The following NAALADL2 variants were observed in gnomAD, a reference collection of about 807,000 sequenced individuals.
The protein encoded by NAALADL2 is inactive N-acetylated-alpha-linked acidic dipeptidase-like protein 2.
In NAALADL2, 76 loss-of-function variants were observed where a neutral mutation model predicts 87.2. The observed-to-expected ratio is 0.87, with a 90% CI of 0.72 to 1.05. NAALADL2 has a LOEUF of 1.05. Among genes scored for constraint, NAALADL2 ranks in the 50% least tolerant of loss-of-function variants. The probability of loss-of-function intolerance (pLI) is 0.00; values close to 1 mark genes in which losing one functional copy is unlikely to be tolerated. For missense variants in NAALADL2, 1,089 were observed against 945.8 expected (o/e 1.15, Z -1.99); for synonymous variants, 354 against 331.0 (o/e 1.07, Z -0.75).
chr3:175,507,295 A>C (rs184538132), intron 9 of NAALADL2, among the ~76,000 whole-genome samples: 4 of 152,160 alleles, frequency 2.6e-5, no homozygotes, highest in Non-Finnish European at 5.9e-5. Context: ...CTTTTGTGCA[A>C]AATTTTTGCT....
intron 1 of NAALADL2, among the ~76,000 whole-genome samples, chr3:174,524,274 A>T (rs886151328): frequency 6.6e-6 from 1 of 152,336 alleles, no homozygotes; most frequent in Non-Finnish European, 1.5e-5. Flanking sequence ...TCACATAGAA[A>T]ATAATGAAAT....
chr3:174,498,137 T>C (rs1469764417), intron 1 of NAALADL2, among the ~76,000 whole-genome samples: 1 of 152,174 alleles, frequency 6.6e-6, no homozygotes, highest in African/African-American at 2.4e-5. Flanking sequence ...ACAATCAATA[T>C]AGTAAACATG....
Position 175,283,085 on chromosome 3 carries a change from T to C in NAALADL2, c.939+26555T>C, listed in dbSNP as rs79179526. Among the ~76,000 whole-genome samples, 49 of 152,204 alleles carry C rather than the reference T, an allele frequency of 3.2e-4. No homozygotes were observed. In the East Asian group the frequency reaches 8.5e-3, roughly 26 times the overall value. ...GACACAATGTTTGTTCCAGCATTGA[T>C]AATTATCTAAGGGAAATGGTCTCAA... is the stretch of plus-strand genomic sequence containing the variant. On this transcript the variant is annotated intron_variant, in intron 4 of 13. Coordinates refer to ENST00000454872, the MANE Select transcript of NAALADL2 (RefSeq NM_207015.3).
intron 2 of NAALADL2, among the ~76,000 whole-genome samples, chr3:175,215,447 C>A (rs989337303): frequency 1.3e-5 from 2 of 152,124 alleles, no homozygotes; most frequent in African/African-American, 4.8e-5. Context: ...GGATTAGAAA[C>A]CTGTGTTGGA....
intron 3 of NAALADL2, among the ~76,000 whole-genome samples, chr3:174,738,071 C>T (rs774976713): frequency 2.6e-5 from 4 of 151,966 alleles, no homozygotes; most frequent in Non-Finnish European, 5.9e-5. Flanking sequence ...AAGATTAAGT[C>T]GTGTTTTTGG....
At chr3:175,369,194 C>T (rs758736212) in intron 5 of NAALADL2, among the ~76,000 whole-genome samples, 4 of 152,224 alleles carry the variant, frequency 2.6e-5, no homozygotes, top group Non-Finnish European at 5.9e-5. Context: ...AGCAAAATGT[C>T]ATCATGCAGC....
chr3:175,432,557 T>C (rs1717947572), intron 5 of NAALADL2, among the ~76,000 whole-genome samples: 1 of 152,024 alleles, frequency 6.6e-6, no homozygotes, highest in Admixed American at 6.6e-5. Context: ...CTCCTTGCCA[T>C]TCCCTTTTCA....
At chr3:174,789,024 A>G (rs995287143) in intron 3 of NAALADL2, among the ~76,000 whole-genome samples, 3 of 152,234 alleles carry the variant, frequency 2.0e-5, no homozygotes, top group African/African-American at 7.2e-5. Context: ...TAGGTCTTCG[A>G]TAGAACGATT....
chr3:174,874,168 C>T (rs952184656), intron 1 of NAALADL2, among the ~76,000 whole-genome samples: 1 of 151,952 alleles, frequency 6.6e-6, no homozygotes, highest in South Asian at 2.1e-4. Flanking sequence ...TACATGAGTA[C>T]GATATAGTTA....
At chr3:175,617,912 C>A (rs114065166) in intron 10 of NAALADL2, among the ~76,000 whole-genome samples, 22 of 152,098 alleles carry the variant, frequency 1.4e-4, no homozygotes, top group Non-Finnish European at 2.9e-4. Context: ...GTATGCACAC[C>A]TGAAAGTGTT....
At chr3:175,135,553 G>C (rs983123173) in intron 2 of NAALADL2, among the ~76,000 whole-genome samples, 4 of 151,984 alleles carry the variant, frequency 2.6e-5, no homozygotes, top group Admixed American at 6.6e-5. Context: ...CAAATAAAGT[G>C]ATTAAAAATT....
chr3:175,554,589 C>A (rs1163837490), intron 9 of NAALADL2, among the ~76,000 whole-genome samples: 1 of 151,784 alleles, frequency 6.6e-6, no homozygotes, highest in Non-Finnish European at 1.5e-5. Context: ...ATGGGGGTAC[C>A]TTCTCAGAAA....
rs141335634 is a variant in NAALADL2 at position 175,076,721 on chromosome 3, A to C, written c.44-20069A>C. ...TTTAGAGTTTCTGGTTGTAAGTTGG[A>C]ATGTAGTCCAATATCTAGATATAAT... On this transcript the variant is annotated intron_variant, in intron 1 of 13. Transcript: ENST00000454872. 3.6e-4 allele frequency among the ~76,000 whole-genome samples: 55 copies of C among 152,272 alleles called. No individual in the cohort carries two copies. In the East Asian group the frequency reaches 3.9e-3, roughly 11 times the overall value.
At chr3:174,542,876 A>T (rs1002987467) in intron 1 of NAALADL2, among the ~76,000 whole-genome samples, 1 of 152,156 alleles carries the variant, frequency 6.6e-6, no homozygotes, top group African/African-American at 2.4e-5. Flanking sequence ...CTGCCTCATT[A>T]TGAGAATAAT....
chr3:174,787,364 A>G (rs1429002327), intron 3 of NAALADL2, among the ~76,000 whole-genome samples: 3 of 151,086 alleles, frequency 2.0e-5, no homozygotes, highest in African/African-American at 4.9e-5. Flanking sequence ...GGATTTCTTC[A>G]TTGTTTTGAC....
intron 1 of NAALADL2, among the ~76,000 whole-genome samples, chr3:174,547,697 T>C (rs1271747131): frequency 4.6e-5 from 7 of 152,174 alleles, no homozygotes; most frequent in African/African-American, 1.7e-4. Context: ...TTTCTATATA[T>C]ATTTTTATCT....
rs564143490 is a variant in NAALADL2, at chr3:175,806,301, A to C, written c.*3098A>C. The C allele has an allele frequency of 6.6e-5, 10 of 151,864 alleles. No individual in the cohort carries two copies. The highest frequency in any genetic ancestry group is 1.0e-4 in the Non-Finnish European group (7 of 67,860). The allele number at this position is 151,864 out of a possible 1,614,324, so 9.4% of individuals were successfully genotyped here. On this transcript the variant is annotated 3_prime_UTR_variant, in exon 14 of 14. Coordinates refer to ENST00000454872, the MANE Select transcript of NAALADL2 (RefSeq NM_207015.3). The stretch of plus-strand genomic sequence containing the variant: ...AGAACACCAGAAGTCAGGAAGAAGG[A>C]CATTGAGCAAAATATATCTGTAAGA...
chr3:175,234,960 T>C (rs535208781), intron 3 of NAALADL2: 2 of 152,244 alleles, frequency 1.3e-5, no homozygotes, highest in South Asian at 4.1e-4. Flanking sequence ...GTAAGAACAA[T>C]ATACAAGTTA....
chr3:174,872,975 C>T (rs556356557), intron 1 of NAALADL2, among the ~76,000 whole-genome samples: 37 of 152,214 alleles, frequency 2.4e-4, no homozygotes, highest in African/African-American at 8.9e-4. Context: ...AAATGGACAT[C>T]CCCAACCTCC....
Sources: allele counts gnomAD v4.1 joint callset (sites outside exome capture counted in the v4.1 genomes callset), GRCh38; gene constraint gnomAD v4.1.1; transcripts MANE v1.5; gene names NCBI Gene and HGNC (gene_info 2026-07-23, HGNC 2026-07-21).